Variants in OR51G2 observed in about 807,000 individuals in gnomAD.
OR51G2 encodes olfactory receptor 51G2.
A neutral mutation model predicts 11.8 loss-of-function variants in OR51G2; 13 were observed. The ratio of observed to expected loss-of-function variants is 1.10; its 90% CI spans 0.72 to 1.76. The LOEUF is 1.76. Among genes scored for constraint, OR51G2 ranks in the 40% most tolerant of loss-of-function variants. The pLI, the probability that OR51G2 is intolerant of heterozygous loss-of-function variation, is 0.00. For synonymous variants in OR51G2, 178 were observed against 151.9 expected (o/e 1.17, Z -1.26); for missense variants, 474 against 394.4 (o/e 1.20, Z -1.71).
chr11:4,915,550 GA>G lies in OR51G2; in HGVS notation c.113del (p.Phe38SerfsTer36), dbSNP rs776529173. ...TGCCCGGGATGGAAACCAGATACAT[GA>G]AGCACAGTGGGATGGAGATCCAGAT... ...MHIWISIPLC[F>X]MYLVSIPGNC... On this transcript the variant is annotated frameshift_variant, in exon 2 of 2. Coordinates refer to ENST00000641926, the MANE Select transcript of OR51G2 (RefSeq NM_001005238.2). LOFTEE classifies it high-confidence loss of function. 1.9e-6 allele frequency: 3 copies of G among 1,614,076 alleles called. 1 individual carries two copies. The South Asian group carries it at 3.3e-5, about 18-fold the overall frequency.
intron 1 of OR51G2, among the ~76,000 whole-genome samples, chr11:4,917,718 A>G (rs1319158143): frequency 2.0e-5 from 3 of 152,110 alleles, no homozygotes; most frequent in African/African-American, 4.8e-5. Context: ...GACAAGCTAC[A>G]TATTGGGTTA....
In OR51G2 at chr11:4,915,591, G is replaced by GC; in HGVS notation, c.72dup (p.Leu25AlafsTer31). On this transcript the variant is annotated frameshift_variant, in exon 2 of 2. Coordinates refer to ENST00000641926, the MANE Select transcript of OR51G2 (RefSeq NM_001005238.2). LOFTEE classifies it high-confidence loss of function. Reference sequence around the variant, plus strand: ...GAGATCCAGATGTGCATGCGCTCCAGCCCAGGGATGCCACTCAGCAGGAAG... The same window carrying GC: ...GAGATCCAGATGTGCATGCGCTCCAGCCCCAGGGATGCCACTCAGCAGGAAG... The GC allele has an allele frequency of 6.2e-7, 1 of 1,614,074 alleles. No homozygotes were observed. The highest frequency in any genetic ancestry group is 1.7e-5 in the Admixed American group (1 of 60,016).
rs1045371323 is a variant in OR51G2, at chr11:4,914,552, C to G, written c.*167G>C. On this transcript the variant is annotated 3_prime_UTR_variant, in exon 2 of 2. Transcript: ENST00000641926. ...ACATCATATTACATTTTACCCCCCCCTGCCCTGGCCACAACAGAGTGAGGG... is the reference window on the plus strand; with the variant it reads ...ACATCATATTACATTTTACCCCCCCGTGCCCTGGCCACAACAGAGTGAGGG... The G allele has an allele frequency of 3.5e-6, 2 of 567,094 alleles. No homozygotes were observed. Among genetic ancestry groups the G allele is most frequent in the Non-Finnish European group, 6.3e-6 (2 of 319,480 alleles). 35.1% of individuals were successfully genotyped at this position (567,094 alleles called of 1,614,324 possible). A position where few individuals can be genotyped will look rare whatever the true frequency, so the allele number is the denominator to read the frequency against.
Position 4,913,902 on chromosome 11 carries a change from C to G in OR51G2, c.*817G>C, listed in dbSNP as rs886641655. Reference sequence around the variant, plus strand: ...TATTACTGTGTCAACTCAGGGAAAACTTTTCTGATGCTCCCTTCCCCCAGC... The same window carrying G: ...TATTACTGTGTCAACTCAGGGAAAAGTTTTCTGATGCTCCCTTCCCCCAGC... On this transcript the variant is annotated 3_prime_UTR_variant, in exon 2 of 2. Coordinates refer to ENST00000641926, the MANE Select transcript of OR51G2 (RefSeq NM_001005238.2). 6.6e-6 allele frequency: 1 copy of G among 152,186 alleles called. No homozygotes were observed. Among genetic ancestry groups the G allele is most frequent in the Non-Finnish European group, 1.5e-5 (1 of 68,026 alleles). The allele number at this position is 152,186 out of a possible 1,614,324, so 9.4% of individuals were successfully genotyped here. A position where few individuals can be genotyped will look rare whatever the true frequency, so the allele number is the denominator to read the frequency against.
rs758218550 is a variant in OR51G2, at chr11:4,914,898, A to G, written c.766T>C (p.Phe256Leu). ...GAGAGGCCAATCATGGGAGTGTAGA[A>G]GAGCAGCACAGCACAGATGTGGGAA... is the stretch of plus-strand genomic sequence containing the variant. Reference protein sequence around the residue: ...CVSHICAVLLFYTPMIGLSVI... With the variant: ...CVSHICAVLLLYTPMIGLSVI... The change falls in exon 2 of 2, where the codon TTC becomes CTC. Residue 256 changes from phenylalanine (F) to leucine (L), a missense_variant. Coordinates refer to ENST00000641926, the MANE Select transcript of OR51G2 (RefSeq NM_001005238.2). The G allele has an allele frequency of 1.2e-6, 2 of 1,614,012 alleles. No homozygotes were observed. Among genetic ancestry groups the G allele is most frequent in the African/African-American group, 2.7e-5 (2 of 74,920 alleles).
In OR51G2 at chr11:4,919,234, C is replaced by A. The variant is rs963430221; in HGVS notation, c.-134G>T. On this transcript the variant is annotated 5_prime_UTR_variant, in exon 1 of 2. Transcript: ENST00000641926. ...GTAGACAAAGTCCCTTCTACCATTT[C>A]TCTCTCCAAAGCTCGGGCTCAGCCT... 1 of 152,334 alleles carries A rather than the reference C, an allele frequency of 6.6e-6. No individual in the cohort carries two copies. The highest frequency in any genetic ancestry group is 1.5e-5 in the Non-Finnish European group (1 of 68,138). The allele number at this position is 152,334 out of a possible 1,614,324, so 9.4% of individuals were successfully genotyped here.
chr11:4,915,033 T>C lies in OR51G2; in HGVS notation c.631A>G (p.Thr211Ala). 1.2e-6 allele frequency: 2 copies of C among 1,613,936 alleles called. No individual in the cohort carries two copies. Among genetic ancestry groups the C allele is most frequent in the Non-Finnish European group, 1.7e-6 (2 of 1,179,994 alleles). Residue 211 changes from threonine to alanine, a missense_variant, in exon 2 of 2, where the codon ACA becomes GCA. Coordinates refer to ENST00000641926, the MANE Select transcript of OR51G2 (RefSeq NM_001005238.2). ...SIYGMFVIVS[T>A]VGIDSLLILF... ...ATGAGCAGTGAGTCTATACCCACTGTAGAGACGATGACAAACATGCCGTAG... is the reference window on the plus strand; with the variant it reads ...ATGAGCAGTGAGTCTATACCCACTGCAGAGACGATGACAAACATGCCGTAG...
In OR51G2 at chr11:4,915,486, G is replaced by A; in HGVS notation, c.178C>T (p.Leu60Phe). The change falls in exon 2 of 2, where the codon CTT (leucine) becomes TTT (phenylalanine). Residue 60 changes from leucine (L) to phenylalanine (F), a missense_variant. Coordinates refer to ENST00000641926, the MANE Select transcript of OR51G2 (RefSeq NM_001005238.2). ...ILFIIKTERS[L>F]HEPMYLFLSM... is the part of the protein sequence containing the mutation. ...AGGAAGAGATACATAGGTTCATGAA[G>A]TGAGCGCTCTGTTTTAATGATAAAA... 2 of 1,614,142 alleles carry A rather than the reference G, an allele frequency of 1.2e-6. No individual in the cohort carries two copies. Among genetic ancestry groups the A allele is most frequent in the Middle Eastern group, 1.7e-4 (1 of 6,060 alleles).
At chr11:4,915,832 T>A in intron 1 of OR51G2, 93 bp from the exon 2 acceptor site, 1 of 519,128 alleles carries the variant, frequency 1.9e-6, no homozygotes. Context: ...CTTGACTTCC[T>A]CTCAGTATCT....
Position 4,914,437 on chromosome 11 carries a change from C to A in OR51G2, c.*282G>T. ...AGTTTCAAGGGGAGAAGAAGTAGAC[C>A]CTATCTCTTTATGAGGAGTAGCAAG... On this transcript the variant is annotated 3_prime_UTR_variant, in exon 2 of 2. Coordinates refer to ENST00000641926, the MANE Select transcript of OR51G2 (RefSeq NM_001005238.2). 2.4e-5 allele frequency: 8 copies of A among 338,156 alleles called. No homozygotes were observed. Among genetic ancestry groups the A allele is most frequent in the East Asian group, 5.2e-5 (1 of 19,112 alleles). The allele number at this position is 338,156 out of a possible 1,614,324, so 20.9% of individuals were successfully genotyped here.
At position 4,915,135 on chromosome 11, in the gene OR51G2, G is replaced by C. The variant is rs1452622197; in HGVS notation, c.529C>G (p.Pro177Ala). The change falls in exon 2 of 2, where the codon CCA becomes GCA. Residue 177 changes from proline (P) to alanine (A), a missense_variant. Physicochemically the swap from Pro to Ala is conservative, Grantham distance 27. Coordinates refer to ENST00000641926, the MANE Select transcript of OR51G2 (RefSeq NM_001005238.2). ...MLKRFPYCGSPVLSHSYCLHQ... is the reference protein window; with the variant it reads ...MLKRFPYCGSAVLSHSYCLHQ... ...AGACAATAAGAATGTGAGAGAACTG[G>C]GGAGCCACAATAGGGGAATCTTTTG... 1 of 1,614,086 alleles carries C rather than the reference G, an allele frequency of 6.2e-7. No individual in the cohort carries two copies.
rs745493860 is a variant in OR51G2 at position 4,915,688 on chromosome 11, TG to T, written c.-26del. The T allele has an allele frequency of 1.3e-6, 2 of 1,560,744 alleles. No individual in the cohort carries two copies. The highest frequency in any genetic ancestry group is 1.7e-6 in the Non-Finnish European group (2 of 1,144,238). ...TTGTGTGAGGAGACAAGGGGGAAGGTGGGTGCCCTCCAAAATCCTGAAGTAA... is the reference window on the plus strand; with the variant it reads ...TTGTGTGAGGAGACAAGGGGGAAGGTGGTGCCCTCCAAAATCCTGAAGTAA... On this transcript the variant is annotated 5_prime_UTR_variant, in exon 2 of 2. Transcript: ENST00000641926.
intron 1 of OR51G2, among the ~76,000 whole-genome samples, chr11:4,916,723 G>A (rs1400903167): frequency 1.3e-5 from 2 of 152,148 alleles, no homozygotes; most frequent in African/African-American, 4.8e-5. Context: ...GATGACCTGT[G>A]AAGCTATTTC....
At chr11:4,917,567 G>A (rs991762159) in intron 1 of OR51G2, among the ~76,000 whole-genome samples, 10 of 152,258 alleles carry the variant, frequency 6.6e-5, no homozygotes, top group Non-Finnish European at 7.4e-5. Flanking sequence ...AGTTTGGGCC[G>A]TTAACTCACT....
In OR51G2 at chr11:4,914,672, A is replaced by G. The variant is rs1851045613; in HGVS notation, c.*47T>C. ...ATGTTAGAAATTATAAAGGATAGGCAAACAAGGGCACGTTTCAGGAGACAG... is the reference window on the plus strand; with the variant it reads ...ATGTTAGAAATTATAAAGGATAGGCGAACAAGGGCACGTTTCAGGAGACAG... On this transcript the variant is annotated 3_prime_UTR_variant, in exon 2 of 2. Transcript: ENST00000641926. 1 of 1,349,150 alleles carries G rather than the reference A, an allele frequency of 7.4e-7. No individual in the cohort carries two copies. The highest frequency in any genetic ancestry group is 2.4e-5 in the East Asian group (1 of 42,494). The allele number at this position is 1,349,150 out of a possible 1,614,324, so 83.6% of individuals were successfully genotyped here.
chr11:4,916,593 C>G (rs925673783), intron 1 of OR51G2, among the ~76,000 whole-genome samples: 9 of 152,064 alleles, frequency 5.9e-5, no homozygotes, highest in Non-Finnish European at 1.0e-4. Context: ...TCTAGACAGA[C>G]CAACCCTTCA....
chr11:4,917,595 A>G (rs977830503), intron 1 of OR51G2, among the ~76,000 whole-genome samples: 8 of 152,212 alleles, frequency 5.3e-5, no homozygotes, highest in Non-Finnish European at 1.0e-4. Context: ...TGAAGATCAT[A>G]TAGGCTCTCA....
At chr11:4,919,041 A>G (rs1218871893) in intron 1 of OR51G2, 136 bp downstream of exon 1, 4 of 152,178 alleles carry the variant, frequency 2.6e-5, no homozygotes, top group South Asian at 4.1e-4. Flanking sequence ...TGCTGTTACC[A>G]TATAGGAGGC....
At chr11:4,915,912 C>A (rs921339025) in intron 1 of OR51G2, among the ~76,000 whole-genome samples, 173 bp from the exon 2 acceptor site, 1 of 152,150 alleles carries the variant, frequency 6.6e-6, no homozygotes, top group African/African-American at 2.4e-5. Context: ...ATGAGCCAAA[C>A]TGGGTGAGTT....
Sources: allele counts gnomAD v4.1 joint callset (sites outside exome capture counted in the v4.1 genomes callset), GRCh38; gene constraint gnomAD v4.1.1; transcripts MANE v1.5; gene names NCBI Gene and HGNC (gene_info 2026-07-23, HGNC 2026-07-21).